DPP8: variants seen among roughly 807,000 people sequenced by gnomAD.
DPP8 encodes dipeptidyl peptidase 8, also known as DPP VIII.
Under a neutral mutation model 107.5 loss-of-function variants are expected in DPP8, and 31 were observed. The observed-to-expected ratio is 0.29, with a 90% confidence interval of 0.22 to 0.39. The LOEUF is 0.39. Ranked by LOEUF, DPP8 falls within the 10% of genes least tolerant of loss-of-function variation. The pLI, the probability that DPP8 is intolerant of heterozygous loss-of-function variation, is 1.00. For missense variants in DPP8, 842 were observed against 1,076.1 expected (o/e 0.78, Z 3.04); for synonymous variants, 381 against 356.6 (o/e 1.07, Z -0.77).
Position 65,452,068 on chromosome 15 carries a change from A to T in DPP8, c.2306T>A (p.Ile769Asn). 1 of 1,609,684 alleles carries T rather than the reference A, an allele frequency of 6.2e-7. No homozygotes were observed. The highest frequency in any genetic ancestry group is 8.5e-7 in the Non-Finnish European group (1 of 1,178,260). The change falls in exon 18 of 20, where the codon ATC becomes AAC. Residue 769 changes from isoleucine to asparagine, a missense_variant. Ile to Asn is a moderately radical substitution (Grantham distance 149, BLOSUM62 -3). This residue lies in a region of DPP8 where 179 missense variants were observed against 318.0 expected (regional missense o/e 0.56). Transcript: ENST00000300141. Reference sequence around the variant, plus strand: ...TTCCGTGTATCCTGTATCATAGAAGATCCACAGAGTGACTGGGGCCCCAGC... The same window carrying T: ...TTCCGTGTATCCTGTATCATAGAAGTTCCACAGAGTGACTGGGGCCCCAGC... Reference protein sequence around the residue: ...AIAGAPVTLWIFYDTGYTERY... With the variant: ...AIAGAPVTLWNFYDTGYTERY...
chr15:65,464,105 T>C (rs1227848075), intron 14 of DPP8, among the ~76,000 whole-genome samples, 199 bp from the exon 15 acceptor site: 1 of 152,222 alleles, frequency 6.6e-6, no homozygotes. Flanking sequence ...GGCTCATGCC[T>C]GTAATCCCAG....
At chr15:65,496,420 C>T (rs183146472) in intron 5 of DPP8, among the ~76,000 whole-genome samples, 12 of 152,300 alleles carry the variant, frequency 7.9e-5, no homozygotes, top group Admixed American at 7.8e-4. Flanking sequence ...CATTATGGTA[C>T]TTAAACTCTG....
chr15:65,463,504 T>C (rs2065087586), intron 15 of DPP8, among the ~76,000 whole-genome samples: 1 of 151,206 alleles, frequency 6.6e-6, no homozygotes, highest in Non-Finnish European at 1.5e-5. Flanking sequence ...ATTGCGCCAT[T>C]GTACTTCAGC....
rs2068993996 is a variant in DPP8, at chr15:65,499,699, G to C, written c.546+907C>G. On this transcript the variant is annotated intron_variant, in intron 4 of 19. Coordinates refer to ENST00000300141, the MANE Select transcript of DPP8 (RefSeq NM_130434.5). The stretch of plus-strand genomic sequence containing the variant: ...CCCACCTCAGCTTCCTGAGTAGCTG[G>C]GACTACAGGCGCATGCTACCTTGCC... Among the ~76,000 whole-genome samples, 6 of 151,732 alleles carry C rather than the reference G, an allele frequency of 4.0e-5. No homozygotes were observed. In the South Asian group the frequency reaches 1.3e-3, roughly 32 times the overall value.
At chr15:65,515,514 T>C (rs1430076335) in intron 1 of DPP8, 3 of 658,714 alleles carry the variant, frequency 4.6e-6, no homozygotes, top group Non-Finnish European at 8.1e-6. Context: ...CCTGATTATA[T>C]ACAAACACAT....
chr15:65,457,041 T>C (rs995799660), intron 15 of DPP8, among the ~76,000 whole-genome samples: 3 of 152,182 alleles, frequency 2.0e-5, no homozygotes, highest in African/African-American at 7.2e-5. Flanking sequence ...CAAATCTTCA[T>C]AGAACTTCCA....
rs760257183 is a variant in DPP8, at chr15:65,478,911, A to G, written c.1425T>C (p.Tyr475=). ...KITSILKESK[Y]KRSSGGLPAP... is the part of the protein sequence containing the mutation. ...CAGGCAGCCCACCACTGGATCGTTT[A>G]TATTTGCTTTCCTTTAAAATAGATG... The change falls in exon 11 of 20, where the codon TAT becomes TAC. Residue 475 remains tyrosine, a synonymous_variant. Coordinates refer to ENST00000300141, the MANE Select transcript of DPP8 (RefSeq NM_130434.5). 1.9e-6 allele frequency: 3 copies of G among 1,585,166 alleles called. No individual in the cohort carries two copies. Among genetic ancestry groups the G allele is most frequent in the Admixed American group, 3.8e-5 (2 of 53,090 alleles).
chr15:65,512,421 G>C lies in DPP8; in HGVS notation c.133C>G (p.Leu45Val). 6.2e-7 allele frequency: 1 copy of C among 1,614,128 alleles called. No individual in the cohort carries two copies. The highest frequency in any genetic ancestry group is 8.5e-7 in the Non-Finnish European group (1 of 1,180,018). Residue 45 changes from leucine (L) to valine (V), a missense_variant, in exon 2 of 20, where the codon CTT becomes GTT. Transcript: ENST00000300141. ...FYVERYSWSQ[L>V]KKLLADTRKY... ...CTGGTATCGGCAAGCAGCTTTTTAA[G>C]CTGACTCCAGGAATACCGCTCAACA...
intron 4 of DPP8, 127 bp from the exon 5 acceptor site, chr15:65,498,159 C>A: frequency 1.6e-6 from 1 of 639,496 alleles, no homozygotes; most frequent in Non-Finnish European, 2.4e-6. Flanking sequence ...TGGTGACTTA[C>A]GCCTGTAATC....
At chr15:65,471,897 T>C (rs760656421) in intron 12 of DPP8, among the ~76,000 whole-genome samples, 4 of 152,188 alleles carry the variant, frequency 2.6e-5, no homozygotes, top group Non-Finnish European at 5.9e-5. Flanking sequence ...CCAGTAAACA[T>C]AATCCTTCAA....
chr15:65,471,397 A>T (rs1342360218), intron 12 of DPP8, among the ~76,000 whole-genome samples: 1 of 152,092 alleles, frequency 6.6e-6, no homozygotes, highest in Non-Finnish European at 1.5e-5. Flanking sequence ...CCCAGGCTAT[A>T]GCATAGCATT....
intron 17 of DPP8, 59 bp from the exon 18 acceptor site, chr15:65,452,161 G>C: frequency 1.9e-6 from 3 of 1,544,788 alleles, no homozygotes; most frequent in Non-Finnish European, 8.7e-7. Flanking sequence ...GGCTAGCAGT[G>C]AGATCTTACA....
chr15:65,494,222 T>C (rs1179668066), intron 5 of DPP8, among the ~76,000 whole-genome samples: 1 of 141,330 alleles, frequency 7.1e-6, no homozygotes, highest in Admixed American at 7.4e-5. Context: ...GGTGCAATTA[T>C]AGCTCACTCC....
At chr15:65,489,829 T>C (rs1319444234) in intron 6 of DPP8, among the ~76,000 whole-genome samples, 1 of 152,210 alleles carries the variant, frequency 6.6e-6, no homozygotes, top group Non-Finnish European at 1.5e-5. Context: ...GCGATTCTCC[T>C]GCTTCAGCCT....
At chr15:65,475,723 A>C (rs2066324026) in intron 11 of DPP8, 1 of 503,924 alleles carries the variant, frequency 2.0e-6, no homozygotes. Context: ...GTAAGTGTTT[A>C]CCATAGCAAA....
At chr15:65,455,559 C>A in intron 16 of DPP8, 1 of 691,458 alleles carries the variant, frequency 1.4e-6, no homozygotes, top group Non-Finnish European at 2.0e-6. Flanking sequence ...GTCCTAATTC[C>A]TACCACCACC....
intron 6 of DPP8, 91 bp downstream of exon 6, chr15:65,490,098 T>C (rs2067877483): frequency 1.7e-6 from 1 of 597,008 alleles, no homozygotes. Context: ...TCAAATCTAT[T>C]ATCCAAGATT....
Position 65,512,494 on chromosome 15 carries a change from A to G in DPP8, c.60T>C (p.Cys20=), listed in dbSNP as rs1167112106. The G allele has an allele frequency of 1.2e-6, 2 of 1,614,062 alleles. No homozygotes were observed. The highest frequency in any genetic ancestry group is 8.5e-7 in the Non-Finnish European group (1 of 1,179,990). The change falls in exon 2 of 20, where the codon TGT becomes TGC. Residue 20 remains cysteine (C), a synonymous_variant. Transcript: ENST00000300141. ...LGVEIFETAD[C]EENIESQDRP... is the part of the protein sequence containing the mutation. ...GATCCTGTGATTCAATATTCTCCTC[A>G]CAGTCCGCAGTTTCAAATATCTCAA...
intron 2 of DPP8, 85 bp downstream of exon 2, chr15:65,512,210 C>A: frequency 7.5e-7 from 1 of 1,338,886 alleles, no homozygotes; most frequent in Non-Finnish European, 1.0e-6. Context: ...ATTTATTCAT[C>A]AAACTTTTGA....
Sources: gnomAD v4.1 joint callset for allele counts (sites outside exome capture counted in the v4.1 genomes callset) on GRCh38, gnomAD v4.1.1 for gene constraint, gnomAD v4.1.1 regional missense constraint, MANE v1.5 for transcripts, NCBI Gene and HGNC (gene_info 2026-07-23, HGNC 2026-07-21) for gene names.